The following LMCD1 variants were observed in gnomAD, a reference collection of about 807,000 sequenced individuals.
The protein encoded by LMCD1 is LIM and cysteine rich domains 1, also known as LIM and cysteine-rich domains protein 1.
Under a neutral mutation model 42.7 loss-of-function variants are expected in LMCD1, and 32 were observed. That is an observed-to-expected ratio of 0.75 (90% CI 0.57 to 1.01). LMCD1 has a LOEUF of 1.01. LMCD1 is among the 50% of genes least tolerant of loss of function. The probability of loss-of-function intolerance (pLI) is 0.00; values close to 1 mark genes in which losing one functional copy is unlikely to be tolerated. For missense variants in LMCD1, 458 were observed against 483.1 expected (o/e 0.95, Z 0.49); for synonymous variants, 178 against 184.9 (o/e 0.96, Z 0.30).
intron 3 of LMCD1, among the ~76,000 whole-genome samples, chr3:8,544,771 G>T (rs1243553484): frequency 6.6e-6 from 1 of 152,220 alleles, no homozygotes; most frequent in African/African-American, 2.4e-5. Context: ...CTATGGGCCA[G>T]ATGGGTTCTA....
intron 3 of LMCD1, among the ~76,000 whole-genome samples, chr3:8,539,225 A>G (rs549067074): frequency 6.6e-6 from 1 of 152,264 alleles, no homozygotes; most frequent in Admixed American, 6.5e-5. Flanking sequence ...CTTAGGGGGG[A>G]AAATCCCTTC....
chr3:8,516,220 G>A (rs1694095511), intron 1 of LMCD1, among the ~76,000 whole-genome samples: 1 of 152,116 alleles, frequency 6.6e-6, no homozygotes, highest in South Asian at 2.1e-4. Context: ...TCCGTGGTCT[G>A]GGGAAGCGGT....
chr3:8,508,489 T>G (rs1693928080), intron 1 of LMCD1, among the ~76,000 whole-genome samples: 1 of 152,214 alleles, frequency 6.6e-6, no homozygotes, highest in Non-Finnish European at 1.5e-5. Context: ...TTTTGTCTCC[T>G]CCTCCTGTTT....
At chr3:8,542,593 A>T (rs566856300) in intron 3 of LMCD1, among the ~76,000 whole-genome samples, 1 of 152,258 alleles carries the variant, frequency 6.6e-6, no homozygotes, top group East Asian at 1.9e-4. Context: ...TCCTGTTACC[A>T]CTTGATGCTT....
intron 1 of LMCD1, among the ~76,000 whole-genome samples, chr3:8,502,328 T>TATAA (rs1278745117): frequency 0.011 from 70 of 6,424 alleles, no homozygotes; most frequent in East Asian, 0.058. Flanking sequence ...ATATTATATA[T>TATAA]AATATATATT....
chr3:8,503,218 A>T (rs1404696972), intron 1 of LMCD1, among the ~76,000 whole-genome samples: 2 of 152,148 alleles, frequency 1.3e-5, no homozygotes, highest in Non-Finnish European at 2.9e-5. Flanking sequence ...AGGGGGAAAA[A>T]CAAAAGACGT....
chr3:8,550,138 G>A (rs1051749763), intron 4 of LMCD1: 4 of 1,368,856 alleles, frequency 2.9e-6, no homozygotes, highest in Non-Finnish European at 3.8e-6. Flanking sequence ...CAGAGTTGGG[G>A]AGATGAAAGC....
intron 1 of LMCD1, among the ~76,000 whole-genome samples, chr3:8,507,935 T>G (rs1028720720): frequency 6.6e-6 from 1 of 152,224 alleles, no homozygotes; most frequent in African/African-American, 2.4e-5. Context: ...TCATTGATAG[T>G]CTGGTTCAGA....
intron 1 of LMCD1, among the ~76,000 whole-genome samples, chr3:8,504,569 A>C (rs1693837604): frequency 6.6e-6 from 1 of 152,248 alleles, no homozygotes; most frequent in Admixed American, 6.5e-5. Flanking sequence ...ACTGGAGTAG[A>C]CTTAAAGGTC....
chr3:8,554,625 G>T (rs1181357803), intron 4 of LMCD1, among the ~76,000 whole-genome samples: 1 of 152,144 alleles, frequency 6.6e-6, no homozygotes, highest in Non-Finnish European at 1.5e-5. Flanking sequence ...ATTCACACCA[G>T]GCTGGTGGGA....
chr3:8,533,860 G>A (rs1694460818), intron 2 of LMCD1, among the ~76,000 whole-genome samples: 1 of 151,884 alleles, frequency 6.6e-6, no homozygotes, highest in Non-Finnish European at 1.5e-5. Context: ...TGAGCTTTCA[G>A]AGCAGAACAC....
At chr3:8,527,402 A>G (rs1694321188) in intron 1 of LMCD1, among the ~76,000 whole-genome samples, 1 of 152,218 alleles carries the variant, frequency 6.6e-6, no homozygotes, top group African/African-American at 2.4e-5. Context: ...GATAATAATT[A>G]TACTTCAGTG....
At chr3:8,548,167 G>A (rs556650699) in intron 3 of LMCD1, among the ~76,000 whole-genome samples, 2 of 152,264 alleles carry the variant, frequency 1.3e-5, no homozygotes, top group East Asian at 1.9e-4. Context: ...TGTAGCACAC[G>A]ATCATACAGT....
At chr3:8,529,924 G>T (rs1694379842) in intron 1 of LMCD1, among the ~76,000 whole-genome samples, 1 of 152,106 alleles carries the variant, frequency 6.6e-6, no homozygotes, top group Non-Finnish European at 1.5e-5. Context: ...TAACCTCCTG[G>T]TAACCCTGCA....
intron 4 of LMCD1, among the ~76,000 whole-genome samples, chr3:8,565,131 C>G (rs1380280157): frequency 6.6e-6 from 1 of 152,004 alleles, no homozygotes; most frequent in East Asian, 1.9e-4. Context: ...ATAGCTATTA[C>G]CCACATGAAC....
intron 4 of LMCD1, chr3:8,550,180 C>T (rs1325783906): frequency 7.8e-7 from 1 of 1,282,496 alleles, no homozygotes; most frequent in African/African-American, 1.5e-5. Flanking sequence ...AACTGCCCCA[C>T]AGAAGGCGAA....
At chr3:8,551,550 G>A (rs1412023801) in intron 4 of LMCD1, among the ~76,000 whole-genome samples, 1 of 152,234 alleles carries the variant, frequency 6.6e-6, no homozygotes, top group Non-Finnish European at 1.5e-5. Flanking sequence ...CCCTTTCTGT[G>A]ATAAGATGCT....
chr3:8,505,078 C>G (rs1245040234), intron 1 of LMCD1, among the ~76,000 whole-genome samples: 1 of 152,204 alleles, frequency 6.6e-6, no homozygotes, highest in Non-Finnish European at 1.5e-5. Flanking sequence ...ATAAAAGGCT[C>G]AGCATATGGG....
intron 4 of LMCD1, chr3:8,550,204 G>C (rs1694816340): frequency 8.1e-7 from 1 of 1,238,740 alleles, no homozygotes; most frequent in Non-Finnish European, 1.0e-6. Flanking sequence ...AATGCTTGAG[G>C]CTGGACCACG....
Sources: allele counts gnomAD v4.1 joint callset (sites outside exome capture counted in the v4.1 genomes callset), GRCh38; gene constraint gnomAD v4.1.1; transcripts MANE v1.5; gene names NCBI Gene and HGNC (gene_info 2026-07-23, HGNC 2026-07-21).